The following TCEANC2 variants were observed in gnomAD, a reference collection of about 807,000 sequenced individuals.
The protein encoded by TCEANC2 is transcription elongation factor A N-terminal and central domain-containing protein 2.
A neutral mutation model predicts 22.8 loss-of-function variants in TCEANC2; 20 were observed. The observed-to-expected ratio is 0.88, with a 90% CI of 0.62 to 1.28. The LOEUF (loss-of-function observed/expected upper bound fraction) is 1.28. Ranked by LOEUF, TCEANC2 falls within the 50% of genes most tolerant of loss-of-function variation. The probability of loss-of-function intolerance (pLI) is 0.00; values close to 1 mark genes in which losing one functional copy is unlikely to be tolerated. For synonymous variants in TCEANC2, 84 were observed against 95.5 expected (o/e 0.88, Z 0.70); for missense variants, 251 against 249.7 (o/e 1.01, Z -0.03).
chr1:54,084,504 C>T (rs1405670375), intron 3 of TCEANC2, among the ~76,000 whole-genome samples: 1 of 151,996 alleles, frequency 6.6e-6, no homozygotes. Flanking sequence ...GGCTAAATTC[C>T]CAGGGCTGTG....
chr1:54,054,689 C>T (rs1657712059), intron 2 of TCEANC2, among the ~76,000 whole-genome samples, 165 bp downstream of exon 2: 1 of 152,202 alleles, frequency 6.6e-6, no homozygotes, highest in African/African-American at 2.4e-5. Context: ...TACAGACTTA[C>T]ATTTATAAAT....
chr1:54,071,762 G>A (rs1658059041), intron 3 of TCEANC2, among the ~76,000 whole-genome samples: 1 of 151,850 alleles, frequency 6.6e-6, no homozygotes, highest in African/African-American at 2.4e-5. Context: ...TATACTTCCT[G>A]GACCTGCAAA....
At chr1:54,107,714 T>C (rs1658780200), downstream of TCEANC2, among the ~76,000 whole-genome samples, 1 of 152,236 alleles carries the variant, frequency 6.6e-6, no homozygotes, top group African/African-American at 2.4e-5. Context: ...ATTCATATAA[T>C]GTATTTTTAA....
intron 4 of TCEANC2, among the ~76,000 whole-genome samples, chr1:54,089,313 T>A (rs771372514): frequency 9.2e-5 from 14 of 152,190 alleles, no homozygotes; most frequent in Admixed American, 1.3e-4. Context: ...ATATCAATGG[T>A]AAAATAAATA....
At position 54,066,633 on chromosome 1, in the gene TCEANC2, G is replaced by T. The variant is rs148009207; in HGVS notation, c.103-2123G>T. On this transcript the variant is annotated intron_variant, in intron 2 of 4. Transcript: ENST00000234827. ...TAAGACATTTGTGTATAAAAATAAT[G>T]GAATACTATCCAATATTATTAAAAC... Among the ~76,000 whole-genome samples, 439 of 152,196 alleles carry T rather than the reference G, an allele frequency of 2.9e-3. 3 individuals are homozygous for T. The highest frequency in any genetic ancestry group is 0.024 in the Middle Eastern group (7 of 294).
intron 3 of TCEANC2, among the ~76,000 whole-genome samples, chr1:54,072,722 A>C (rs1184775581): frequency 2.0e-5 from 3 of 152,126 alleles, no homozygotes; most frequent in Non-Finnish European, 2.9e-5. Context: ...TACAGGTGTG[A>C]GCTACCGCAC....
intron 2 of TCEANC2, among the ~76,000 whole-genome samples, chr1:54,066,806 C>A (rs187436190): frequency 3.3e-4 from 50 of 152,280 alleles, no homozygotes; most frequent in African/African-American, 1.1e-3. Flanking sequence ...ACACTAATAT[C>A]ATTTTATATT....
intron 3 of TCEANC2, among the ~76,000 whole-genome samples, chr1:54,086,356 C>T (rs899613752): frequency 6.6e-6 from 1 of 152,052 alleles, no homozygotes; most frequent in Non-Finnish European, 1.5e-5. Context: ...TAAACAGAAG[C>T]GCAAGGTGCT....
intron 2 of TCEANC2, among the ~76,000 whole-genome samples, chr1:54,060,220 A>G (rs1350731918): frequency 6.6e-6 from 1 of 152,068 alleles, no homozygotes; most frequent in African/African-American, 2.4e-5. Flanking sequence ...AGCCTGGCCA[A>G]TATGGTGAAA....
chr1:54,073,439 A>G (rs1658094024), intron 3 of TCEANC2, among the ~76,000 whole-genome samples: 2 of 152,174 alleles, frequency 1.3e-5, no homozygotes, highest in African/African-American at 2.4e-5. Context: ...CCTCCTCGCT[A>G]CTGGCCCACA....
At chr1:54,071,836 G>C (rs1190915447) in intron 3 of TCEANC2, among the ~76,000 whole-genome samples, 1 of 151,196 alleles carries the variant, frequency 6.6e-6, no homozygotes, top group African/African-American at 2.4e-5. Context: ...TTTTGAGACA[G>C]GGTCTTTCTG....
intron 3 of TCEANC2, among the ~76,000 whole-genome samples, chr1:54,086,102 T>C (rs1330774648): frequency 1.3e-5 from 2 of 152,206 alleles, no homozygotes; most frequent in Non-Finnish European, 2.9e-5. Flanking sequence ...TTTCCCTTTA[T>C]TCCAATCTTC....
chr1:54,111,007 T>G (rs1658830674), downstream of TCEANC2: 2 of 152,206 alleles, frequency 1.3e-5, no homozygotes, highest in African/African-American at 4.8e-5. Flanking sequence ...AGTTACCATA[T>G]GCACTTCTTT....
intron 2 of TCEANC2, among the ~76,000 whole-genome samples, chr1:54,058,098 C>T (rs530036672): frequency 2.6e-5 from 4 of 152,290 alleles, no homozygotes; most frequent in South Asian, 2.1e-4. Context: ...TTAATAATAC[C>T]TGTTTTATAA....
In TCEANC2 at chr1:54,068,753, C is replaced by T; in HGVS notation, c.103-3C>T. On this transcript the variant is annotated splice_region_variant and splice_polypyrimidine_tract_variant and intron_variant, in intron 2 of 4. Transcript: ENST00000234827. ...TTTTCCAAATGACTTTTCTTTTTCC[C>T]AGAGAGTTGTGGTTGTAGAAGACAT... The T allele has an allele frequency of 6.3e-7, 1 of 1,584,780 alleles. No homozygotes were observed. Among genetic ancestry groups the T allele is most frequent in the South Asian group, 1.2e-5 (1 of 84,682 alleles).
chr1:54,059,949 A>G (rs1001594310), intron 2 of TCEANC2, among the ~76,000 whole-genome samples: 2 of 152,246 alleles, frequency 1.3e-5, no homozygotes, highest in African/African-American at 2.4e-5. Context: ...AAACTTCCTG[A>G]AAAGTGATCA....
downstream of TCEANC2, among the ~76,000 whole-genome samples, chr1:54,108,273 T>C (rs74085197): frequency 0.1 from 15,919 of 152,170 alleles, 2,025 homozygotes; most frequent in African/African-American, 0.31. Flanking sequence ...TAGCTATGCA[T>C]AGCCACACGG....
Position 54,104,907 on chromosome 1 carries a change from A to T in TCEANC2, c.*8434A>T. ...ACCGTGACCTGAGCAGGATATGCTG[A>T]CTTCAGGCTCAGCCCCCTCAGGGCT... On this transcript the variant is annotated 3_prime_UTR_variant, in exon 5 of 5. Coordinates refer to ENST00000234827, the MANE Select transcript of TCEANC2 (RefSeq NM_153035.3). The T allele has an allele frequency of 4.0e-6, 1 of 249,288 alleles. No individual in the cohort carries two copies. The highest frequency in any genetic ancestry group is 4.6e-5 in the South Asian group (1 of 21,620). The allele number at this position is 249,288 out of a possible 1,614,324, so 15.4% of individuals were successfully genotyped here.
At chr1:54,064,454 C>A (rs951486738) in intron 2 of TCEANC2, among the ~76,000 whole-genome samples, 2 of 152,064 alleles carry the variant, frequency 1.3e-5, no homozygotes, top group Admixed American at 1.3e-4. Context: ...AGTTTGAATA[C>A]CCTCTAGAGG....
Sources: allele counts gnomAD v4.1 joint callset (sites outside exome capture counted in the v4.1 genomes callset), GRCh38; gene constraint gnomAD v4.1.1; transcripts MANE v1.5; gene names NCBI Gene and HGNC (gene_info 2026-07-23, HGNC 2026-07-21).